The following NAV1 variants were observed in gnomAD, a reference collection of about 807,000 sequenced individuals.
NAV1 encodes pore membrane and/or filament interacting like protein 3.
NAV1 carries 18 observed loss-of-function variants against 175.2 expected under a neutral mutation model. The ratio of observed to expected loss-of-function variants is 0.10; its 90% confidence interval spans 0.07 to 0.15. The LOEUF (loss-of-function observed/expected upper bound fraction) is 0.15. Among genes scored for constraint, NAV1 ranks in the 10% least tolerant of loss-of-function variants. The pLI is 1.00. For missense variants in NAV1, 1,731 were observed against 2,436.6 expected, an observed-to-expected ratio of 0.71 and a Z score of 6.10; for synonymous variants, 897 against 978.7, an observed-to-expected ratio of 0.92 and a Z score of 1.56.
Position 201,677,207 on chromosome 1 carries a change from T to C in NAV1, c.757+27782T>C, listed in dbSNP as rs372715590. On this transcript the variant is annotated intron_variant, in intron 1 of 29. Coordinates refer to ENST00000367296, the Ensembl canonical transcript of NAV1. ...GTGGAGGTTGCAGGAGCCAAGACTG[T>C]GCCACTGCACTCCAGCCTGGGCGAC... Among the ~76,000 whole-genome samples, 58 of 138,894 alleles carry C rather than the reference T, an allele frequency of 4.2e-4. No homozygotes were observed. The East Asian group carries it at 0.011, about 26-fold the overall frequency. The allele number at this position is 138,894 out of a possible 152,430, so 91.1% of individuals were successfully genotyped here. A position where few individuals can be genotyped will look rare whatever the true frequency, so the allele number is the denominator to read the frequency against.
chr1:201,688,722 C>T (rs79244823), intron 1 of NAV1, among the ~76,000 whole-genome samples: 6,851 of 152,338 alleles, frequency 0.045, 233 homozygotes, highest in Middle Eastern at 0.099. Flanking sequence ...ATGAATTATT[C>T]TGTCCGATAA....
At chr1:201,590,509 ATT>A (rs1413027832) in intron 2 of NAV1, among the ~76,000 whole-genome samples, 1 of 152,186 alleles carries the variant, frequency 6.6e-6, no homozygotes, top group Non-Finnish European at 1.5e-5. Flanking sequence ...GATTTAGAAC[ATT>A]TCCTCTCTCC....
intron 1 of NAV1, among the ~76,000 whole-genome samples, chr1:201,663,419 C>T (rs1669690419): frequency 2.0e-5 from 3 of 152,008 alleles, no homozygotes; most frequent in African/African-American, 7.2e-5. Context: ...GAAAACTGGC[C>T]ATGTCCTCAT....
At chr1:201,825,972 CTTT>C (rs909107873) in exon 30 of NAV1, 3 of 152,196 alleles carry the variant, frequency 2.0e-5, no homozygotes, top group African/African-American at 7.2e-5. Context: ...AAATAAGATC[CTTT>C]TTAAAAAATA....
At position 201,781,567 on chromosome 1, in the gene NAV1, G is replaced by A. The variant is rs543821117; in HGVS notation, c.1663+258G>A. ...AAATCCCAGTTAATATGAGGTACAGGAGGAAGTATATTATGTTTAGAGACT... is the reference window on the plus strand; with the variant it reads ...AAATCCCAGTTAATATGAGGTACAGAAGGAAGTATATTATGTTTAGAGACT... On this transcript the variant is annotated intron_variant, in intron 5 of 29. Transcript: ENST00000367296. 6.6e-5 allele frequency among the ~76,000 whole-genome samples: 10 copies of A among 152,308 alleles called. No individual in the cohort carries two copies. In the South Asian group the frequency reaches 8.3e-4, roughly 13 times the overall value.
At chr1:201,766,671 C>CGGTT (rs763482039) in intron 3 of NAV1, among the ~76,000 whole-genome samples, 22 of 152,122 alleles carry the variant, frequency 1.4e-4, no homozygotes, top group Non-Finnish European at 2.6e-4. Flanking sequence ...AACTGCAAAC[C>CGGTT]GTAGCTTTCT....
chr1:201,740,415 T>C lies in NAV1; in HGVS notation c.1226+21660T>C, dbSNP rs571197269. 6.6e-6 allele frequency among the ~76,000 whole-genome samples: 1 copy of C among 152,206 alleles called. No homozygotes were observed. Among genetic ancestry groups the C allele is most frequent in the Admixed American group, 6.5e-5 (1 of 15,306 alleles). ...GAGCTGAGACAATAGCGCAACTTGA[T>C]TGAACTTCGATGGTTGCGGCTGTGG... On this transcript the variant is annotated intron_variant, in intron 3 of 29. Coordinates refer to ENST00000367296, the Ensembl canonical transcript of NAV1. This position sits in a 1 kb window ranked among gnomAD's most constrained non-coding sequence, Gnocchi z 4.7.
At chr1:201,712,732 CA>C (rs1012731460) in intron 1 of NAV1, 84 bp from the exon 6 acceptor site, 1 of 913,148 alleles carries the variant, frequency 1.1e-6, no homozygotes, top group African/African-American at 1.6e-5. Context: ...CTCCTGGGGA[CA>C]CTGTCAATCT....
intron 1 of NAV1, among the ~76,000 whole-genome samples, chr1:201,670,601 A>G (rs1670005241): frequency 1.3e-5 from 2 of 151,420 alleles, no homozygotes; most frequent in East Asian, 3.9e-4. Context: ...GATGATGGTG[A>G]TTTTTTGTTG....
intron 3 of NAV1, among the ~76,000 whole-genome samples, chr1:201,752,799 T>G (rs1049728943): frequency 3.3e-5 from 5 of 152,168 alleles, no homozygotes; most frequent in African/African-American, 1.2e-4. Flanking sequence ...TGTCTGCCAA[T>G]TGTGCAAAGA....
chr1:201,821,685 T>G (rs1679388892), exon 30 of NAV1: 1 of 152,174 alleles, frequency 6.6e-6, no homozygotes, highest in Non-Finnish European at 1.5e-5. Context: ...AGAAAGAAGC[T>G]TTTGATTAGA....
chr1:201,674,398 G>C (rs576230005), intron 1 of NAV1, among the ~76,000 whole-genome samples: 2 of 152,080 alleles, frequency 1.3e-5, no homozygotes, highest in Non-Finnish European at 2.9e-5. Context: ...TGTTGGGGGG[G>C]GTTGTCCAGG....
At chr1:201,618,899 AAC>A (rs1668077138), upstream of NAV1, among the ~76,000 whole-genome samples, 1 of 152,126 alleles carries the variant, frequency 6.6e-6, no homozygotes, top group Non-Finnish European at 1.5e-5. Context: ...TCCGAAGGCA[AAC>A]CAGGAAAACT....
chr1:201,649,892 A>C (rs969731694), intron 1 of NAV1, among the ~76,000 whole-genome samples: 68 of 152,222 alleles, frequency 4.5e-4, no homozygotes, highest in African/African-American at 1.5e-3. Flanking sequence ...TTGGCCCCGG[A>C]ACACAGCTGA....
chr1:201,570,067 G>C lies in NAV1; in HGVS notation c.-143-18472G>C, dbSNP rs183806391. ...TTTTATTTATTATGATTAAGAAGAG[G>C]CACTATAGTCATCCGGGGTGAGCGC... On this transcript the variant is annotated intron_variant, in intron 1 of 33. Coordinates refer to the NAV1 transcript ENST00000685211. 8.7e-4 allele frequency among the ~76,000 whole-genome samples: 133 copies of C among 152,270 alleles called. 1 individual carries two copies. Among genetic ancestry groups the C allele is most frequent in the African/African-American group, 3.2e-3 (132 of 41,544 alleles).
chr1:201,617,681 T>C (rs540630400), intron 2 of NAV1, among the ~76,000 whole-genome samples: 4 of 152,238 alleles, frequency 2.6e-5, no homozygotes, highest in Admixed American at 2.6e-4. Flanking sequence ...TGAGCTATTA[T>C]TGCACCACTG....
intron 1 of NAV1, among the ~76,000 whole-genome samples, chr1:201,712,595 C>A (rs1465176268): frequency 2.6e-5 from 4 of 152,142 alleles, no homozygotes; most frequent in African/African-American, 4.8e-5. Context: ...CATGCCTGTA[C>A]CCCCTGCCAG....
intron 2 of NAV1, among the ~76,000 whole-genome samples, chr1:201,716,759 G>A (rs1424748731): frequency 5.9e-5 from 9 of 152,282 alleles, no homozygotes; most frequent in Admixed American, 3.9e-4. Flanking sequence ...TGTGCCTGTC[G>A]TCCCTGCTAC....
At position 201,539,578 on chromosome 1, in the gene NAV1, A is replaced by G. The variant is rs1665442049; in HGVS notation, c.-144+236A>G. Reference sequence around the variant, plus strand: ...TGCCCTTTCGACCCCTATGGGACTGACTGCGCGTTTGATTCTAGAGTTGAC... The same window carrying G: ...TGCCCTTTCGACCCCTATGGGACTGGCTGCGCGTTTGATTCTAGAGTTGAC... On this transcript the variant is annotated intron_variant, in intron 1 of 33. Transcript: ENST00000685211. This position sits in a 1 kb window ranked among gnomAD's most constrained non-coding sequence, Gnocchi z 5.6. Among the ~76,000 whole-genome samples, 1 of 152,010 alleles carries G rather than the reference A, an allele frequency of 6.6e-6. No homozygotes were observed. Among genetic ancestry groups the G allele is most frequent in the South Asian group, 2.1e-4 (1 of 4,810 alleles).
Sources: gnomAD v4.1 joint callset for allele counts (sites outside exome capture counted in the v4.1 genomes callset) on GRCh38, gnomAD v4.1.1 for gene constraint, Gnocchi (gnomAD v3.1) non-coding constraint, MANE v1.5 for transcripts, NCBI Gene and HGNC (gene_info 2026-07-23, HGNC 2026-07-21) for gene names.